ADAM19: variants seen among roughly 807,000 people sequenced by gnomAD.
ADAM19 encodes the protein ADAM metallopeptidase domain 19.
Under a neutral mutation model 114.7 loss-of-function variants are expected in ADAM19, and 65 were observed. That is an observed-to-expected ratio of 0.57 (90% CI 0.46 to 0.70). The LOEUF (loss-of-function observed/expected upper bound fraction) is 0.70, where lower values mean the gene tolerates loss of function less well. Ranked by LOEUF, ADAM19 falls within the 30% of genes least tolerant of loss-of-function variation. The pLI, the probability that ADAM19 is intolerant of heterozygous loss-of-function variation, is 0.00. For synonymous variants in ADAM19, 466 were observed against 460.5 expected, an observed-to-expected ratio of 1.01 and a Z score of -0.15; for missense variants, 1,063 against 1,204.7, an observed-to-expected ratio of 0.88 and a Z score of 1.74.
At chr5:157,494,655 T>G in intron 15 of ADAM19, 32 bp downstream of exon 15, 5 of 1,589,976 alleles carry the variant, frequency 3.1e-6, no homozygotes, top group Non-Finnish European at 4.3e-6. Context: ...TTGTTCATCC[T>G]CATTTCATGA....
At chr5:157,524,967 A>T (rs1327888728) in intron 5 of ADAM19, among the ~76,000 whole-genome samples, 1 of 152,248 alleles carries the variant, frequency 6.6e-6, no homozygotes, top group Non-Finnish European at 1.5e-5. Flanking sequence ...AGTGTGTGAC[A>T]GGAACTGTTC....
At chr5:157,572,639 C>G (rs1327390389) in intron 1 of ADAM19, among the ~76,000 whole-genome samples, 2 of 152,206 alleles carry the variant, frequency 1.3e-5, no homozygotes, top group Non-Finnish European at 2.9e-5. Flanking sequence ...ATTCATCAGA[C>G]AGGCAAATAT....
chr5:157,557,135 T>C (rs1219979536), intron 3 of ADAM19, among the ~76,000 whole-genome samples: 2 of 152,194 alleles, frequency 1.3e-5, no homozygotes, highest in Non-Finnish European at 2.9e-5. Context: ...CTCGAACTCC[T>C]GGGCTCGCGT....
intron 4 of ADAM19, among the ~76,000 whole-genome samples, chr5:157,536,686 C>G (rs1756775632): frequency 6.6e-6 from 1 of 152,198 alleles, no homozygotes; most frequent in Non-Finnish European, 1.5e-5. Flanking sequence ...CAGGGGTAAT[C>G]TGGCGAACTA....
At chr5:157,545,721 T>A (rs539195833) in intron 3 of ADAM19, among the ~76,000 whole-genome samples, 1 of 152,162 alleles carries the variant, frequency 6.6e-6, no homozygotes, top group Non-Finnish European at 1.5e-5. Context: ...TCTAAACCCA[T>A]CATTTCAATA....
chr5:157,522,245 C>T (rs1297549732), intron 5 of ADAM19, among the ~76,000 whole-genome samples: 2 of 152,180 alleles, frequency 1.3e-5, no homozygotes, highest in Non-Finnish European at 2.9e-5. Context: ...GGTTAATTAA[C>T]CCAAAGTCAC....
chr5:157,509,190 G>T, intron 9 of ADAM19, 111 bp downstream of exon 9: 2 of 1,140,872 alleles, frequency 1.8e-6, no homozygotes, highest in Non-Finnish European at 1.2e-6. Context: ...CAGGGAGTCA[G>T]AATGGCCTTG....
chr5:157,498,688 G>GTATATATA (rs55867903), intron 13 of ADAM19, among the ~76,000 whole-genome samples: 21,919 of 143,380 alleles, frequency 0.15, 1,704 homozygotes, highest in East Asian at 0.25. Flanking sequence ...ATGTGTGTAT[G>GTATATATA]TATATATATA....
chr5:157,566,286 T>C, intron 2 of ADAM19: 1 of 152,120 alleles, frequency 6.6e-6, no homozygotes, highest in East Asian at 1.9e-4. Flanking sequence ...ACAATAATCA[T>C]TAGTCATAAA....
At chr5:157,567,258 C>T (rs774048667) in intron 2 of ADAM19, among the ~76,000 whole-genome samples, 3 of 152,208 alleles carry the variant, frequency 2.0e-5, no homozygotes, top group African/African-American at 4.8e-5. Context: ...CTGGCCATTG[C>T]CTAATTAATC....
In ADAM19 at chr5:157,505,407, C is replaced by T. The variant is rs184623076; in HGVS notation, c.1130+262G>A. Among the ~76,000 whole-genome samples, 699 of 152,316 alleles carry T rather than the reference C, an allele frequency of 4.6e-3. 1 individual carries two copies. Among genetic ancestry groups the T allele is most frequent in the Non-Finnish European group, 6.3e-3 (429 of 68,034 alleles). Reference sequence around the variant, plus strand: ...ATAAAAAAGACACATATGGCCAAGCCAATTTTATAACTCAACACCTTAAAA... The same window carrying T: ...ATAAAAAAGACACATATGGCCAAGCTAATTTTATAACTCAACACCTTAAAA... On this transcript the variant is annotated intron_variant, in intron 11 of 22. Transcript: ENST00000257527.
chr5:157,526,236 T>C (rs991126340), intron 5 of ADAM19, among the ~76,000 whole-genome samples: 1 of 150,292 alleles, frequency 6.7e-6, no homozygotes, highest in Non-Finnish European at 1.5e-5. Context: ...CCTCCAACAG[T>C]AATTAAGGAT....
In ADAM19 at chr5:157,479,202, G is replaced by A; in HGVS notation, c.*1747C>T. The A allele has an allele frequency of 1.0e-6, 1 of 985,852 alleles. No individual in the cohort carries two copies. Among genetic ancestry groups the A allele is most frequent in the Non-Finnish European group, 1.2e-6 (1 of 829,958 alleles). 61.1% of individuals were successfully genotyped at this position (985,852 alleles called of 1,614,324 possible). On this transcript the variant is annotated 3_prime_UTR_variant, in exon 23 of 23. Coordinates refer to ENST00000257527, the MANE Select transcript of ADAM19 (RefSeq NM_033274.5). ...AGGGAAGAGAAACTCATTTTCCTGAGATCTTTCTAAACCCAACCCAGGCTT... is the reference window on the plus strand; with the variant it reads ...AGGGAAGAGAAACTCATTTTCCTGAAATCTTTCTAAACCCAACCCAGGCTT...
chr5:157,524,808 G>A (rs1756408300), intron 5 of ADAM19, among the ~76,000 whole-genome samples: 1 of 152,228 alleles, frequency 6.6e-6, no homozygotes, highest in Non-Finnish European at 1.5e-5. Flanking sequence ...CAGAGTTGCT[G>A]TGATAATGGA....
At chr5:157,538,127 G>T in intron 3 of ADAM19, 136 bp from the exon 4 acceptor site, 2 of 547,784 alleles carry the variant, frequency 3.7e-6, no homozygotes, top group East Asian at 6.1e-5. Context: ...CAGCCACAAG[G>T]GGCTAAGGAA....
At chr5:157,561,953 A>G (rs1757520198) in intron 3 of ADAM19, among the ~76,000 whole-genome samples, 1 of 152,004 alleles carries the variant, frequency 6.6e-6, no homozygotes, top group Admixed American at 6.5e-5. Context: ...GAATACGTTG[A>G]TCGAGGAGGT....
chr5:157,548,807 C>T (rs532546532), intron 3 of ADAM19, among the ~76,000 whole-genome samples: 7 of 152,288 alleles, frequency 4.6e-5, no homozygotes, highest in East Asian at 1.9e-4. Context: ...CATTGCCCAA[C>T]CACAAAGGGT....
intron 21 of ADAM19, 104 bp from the exon 22 acceptor site, chr5:157,482,047 C>G (rs1397830508): frequency 5.5e-6 from 5 of 911,646 alleles, no homozygotes; most frequent in Non-Finnish European, 8.2e-6. Context: ...AAGTTATATA[C>G]TGTATGGTCC....
chr5:157,508,306 C>T (rs1180958881), intron 9 of ADAM19, among the ~76,000 whole-genome samples: 1 of 152,180 alleles, frequency 6.6e-6, no homozygotes, highest in Non-Finnish European at 1.5e-5. Context: ...ATTTAGGGAA[C>T]AGAAGAAAAA....
Sources: allele counts gnomAD v4.1 joint callset (sites outside exome capture counted in the v4.1 genomes callset), GRCh38; gene constraint gnomAD v4.1.1; transcripts MANE v1.5; gene names NCBI Gene and HGNC (gene_info 2026-07-23, HGNC 2026-07-21).